AR: variants seen among roughly 807,000 people sequenced by gnomAD.
AR encodes androgen receptor, also known as dihydrotestosterone receptor.
A neutral mutation model predicts 53.9 loss-of-function variants in AR; 8 were observed. The observed-to-expected ratio is 0.15, with a 90% CI of 0.09 to 0.27. The LOEUF (loss-of-function observed/expected upper bound fraction) is 0.27. AR is among the 10% of genes least tolerant of loss of function. The pLI is 1.00. For missense variants in AR, 639 were observed against 742.5 expected (o/e 0.86, Z 1.62); for synonymous variants, 359 against 316.4 (o/e 1.13, Z -1.43).
Position 67,546,303 on chromosome X carries a change from G to T in AR, c.1157G>T (p.Arg386Leu), listed in dbSNP as rs555361360. 5.8e-6 allele frequency: 7 copies of T among 1,198,316 alleles called. No homozygotes were observed. In the East Asian group the frequency reaches 9.1e-5, roughly 16 times the overall value. ...CCGCCGCCTCCCCATCCCCACGCTC[G>T]CATCAAGCTGGAGAACCCGCTGGAC... ...PPPPPPHPHARIKLENPLDYG... is the reference protein window; with the variant it reads ...PPPPPPHPHALIKLENPLDYG... Residue 386 changes from arginine (R) to leucine (L), a missense_variant, in exon 1 of 8, where the codon CGC becomes CTC. Arg to Leu is a moderately radical substitution (Grantham distance 102). This residue lies in a region of AR where 423 missense variants were observed against 377.0 expected (regional missense o/e 1.12). Transcript: ENST00000374690.
chrX:67,709,802 G>A (rs2076085977), intron 3 of AR, among the ~76,000 whole-genome samples: 1 of 111,994 alleles, frequency 8.9e-6, no homozygotes, highest in African/African-American at 3.2e-5. Flanking sequence ...TCAACTATGA[G>A]CAACTATGTG....
In AR at chrX:67,728,900, A is replaced by G. The variant is rs1228828233; in HGVS notation, c.*5059A>G. 1.2e-5 allele frequency: 2 copies of G among 170,810 alleles called. No homozygotes were observed. The highest frequency in any genetic ancestry group is 6.0e-5 in the African/African-American group (2 of 33,576). 14.1% of individuals were successfully genotyped at this position (170,810 alleles called of 1,213,427 possible). On this transcript the variant is annotated 3_prime_UTR_variant, in exon 8 of 8. Coordinates refer to ENST00000374690, the MANE Select transcript of AR (RefSeq NM_000044.6). ...TGAATGTGGAAAGCATAAAAACTCA[A>G]TGGAACTGACTGAGATTTACCACAG... is the stretch of plus-strand genomic sequence containing the variant.
chrX:67,569,118 AT>A (rs1390965118), intron 1 of AR: 5 of 865,643 alleles, frequency 5.8e-6, no homozygotes, highest in Non-Finnish European at 6.3e-6. Context: ...CAGCCATGAC[AT>A]TATCTATTAG....
intron 1 of AR, among the ~76,000 whole-genome samples, chrX:67,560,541 G>A (rs1351242220): frequency 9.0e-6 from 1 of 111,481 alleles, no homozygotes; most frequent in Non-Finnish European, 1.9e-5. Context: ...TTGCTGTATA[G>A]TTGTGTAATG....
chrX:67,548,666 G>T (rs1929870748), intron 1 of AR, among the ~76,000 whole-genome samples: 2 of 111,402 alleles, frequency 1.8e-5, no homozygotes. Context: ...AAAAATGTGT[G>T]CCTTCAAAGA....
chrX:67,622,040 T>C (rs1924407530), intron 1 of AR, among the ~76,000 whole-genome samples: 1 of 111,880 alleles, frequency 8.9e-6, no homozygotes, highest in Non-Finnish European at 1.9e-5. Context: ...TTGTGGGGAT[T>C]AAGCACCTTC....
chrX:67,707,222 CT>C (rs1465203066), intron 3 of AR, among the ~76,000 whole-genome samples: 1 of 111,505 alleles, frequency 9.0e-6, no homozygotes, highest in East Asian at 2.8e-4. Context: ...GTTGATCTGT[CT>C]AATGTTGACA....
At chrX:67,633,201 A>T (rs1386099343) in intron 1 of AR, among the ~76,000 whole-genome samples, 3 of 112,225 alleles carry the variant, frequency 2.7e-5, no homozygotes, top group Middle Eastern at 4.6e-3. Context: ...ATTGTGTGTC[A>T]CAGGAGTTTA....
chrX:67,584,678 T>C (rs925197465), intron 1 of AR, among the ~76,000 whole-genome samples: 1 of 112,324 alleles, frequency 8.9e-6, no homozygotes, highest in African/African-American at 3.2e-5. Flanking sequence ...TGATAACCTT[T>C]TCTCAGGAAT....
chrX:67,716,613 G>A (rs1007952669), intron 4 of AR, among the ~76,000 whole-genome samples: 2 of 110,936 alleles, frequency 1.8e-5, no homozygotes, highest in African/African-American at 6.6e-5. Flanking sequence ...TAGGGCCAGG[G>A]TACCTATTGA....
chrX:67,628,125 T>G (rs1413007978), intron 1 of AR, among the ~76,000 whole-genome samples: 2 of 111,353 alleles, frequency 1.8e-5, no homozygotes, highest in Non-Finnish European at 3.8e-5. Context: ...TGTGGGCTCT[T>G]TTTTGGTTCC....
rs781169332 is a variant in AR at position 67,591,604 on chromosome X, C to A, written c.1616+44842C>A. Among the ~76,000 whole-genome samples, 36 of 111,395 alleles carry A rather than the reference C, an allele frequency of 3.2e-4. No individual in the cohort carries two copies. In the South Asian group the frequency reaches 5.0e-3, roughly 15 times the overall value. ...CCCAATAAGGCCCAACAGGGCTCTC[C>A]AAGGAGGCAAAATTCTGATGATACA... On this transcript the variant is annotated intron_variant, in intron 1 of 7. Coordinates refer to ENST00000374690, the MANE Select transcript of AR (RefSeq NM_000044.6).
intron 3 of AR, among the ~76,000 whole-genome samples, chrX:67,707,026 T>G (rs936185939): frequency 1.8e-5 from 2 of 112,118 alleles, no homozygotes; most frequent in Non-Finnish European, 3.8e-5. Flanking sequence ...TTTGTTATAA[T>G]TTCTGTTCTT....
intron 4 of AR, among the ~76,000 whole-genome samples, chrX:67,711,959 G>C (rs965861936): frequency 8.9e-6 from 1 of 112,049 alleles, no homozygotes; most frequent in African/African-American, 3.2e-5. Context: ...TCACAAAAAT[G>C]GTCAGCAAAT....
At chrX:67,670,019 AATT>A (rs1224473092) in intron 2 of AR, among the ~76,000 whole-genome samples, 3 of 99,648 alleles carry the variant, frequency 3.0e-5, no homozygotes, top group East Asian at 3.2e-4. Context: ...TAATAAGAAC[AATT>A]ATTATTTTTT....
intron 1 of AR, among the ~76,000 whole-genome samples, chrX:67,603,046 G>T (rs935646713): frequency 5.4e-5 from 6 of 111,374 alleles, no homozygotes; most frequent in African/African-American, 2.0e-4. Context: ...AGTATTAATA[G>T]TAATGATACT....
chrX:67,631,794 T>C (rs1767978143), intron 1 of AR, among the ~76,000 whole-genome samples: 2 of 112,451 alleles, frequency 1.8e-5, no homozygotes, highest in African/African-American at 6.5e-5. Flanking sequence ...TGTTTGATGA[T>C]GGTGATGTAC....
chrX:67,692,670 C>T (rs1433637875), intron 3 of AR, among the ~76,000 whole-genome samples: 4 of 111,733 alleles, frequency 3.6e-5, no homozygotes, highest in African/African-American at 6.5e-5. Flanking sequence ...ATCTTTTTTA[C>T]GGCATTGTTG....
intron 2 of AR, among the ~76,000 whole-genome samples, chrX:67,663,788 A>C (rs775782881): frequency 6.2e-5 from 7 of 112,060 alleles, no homozygotes; most frequent in African/African-American, 1.6e-4. Flanking sequence ...TGGTCTTTTC[A>C]CATAGTCCCA....
Sources: allele counts gnomAD v4.1 joint callset (sites outside exome capture counted in the v4.1 genomes callset), GRCh38; gene constraint gnomAD v4.1.1; regional missense constraint gnomAD v4.1.1; transcripts MANE v1.5; gene names NCBI Gene and HGNC (gene_info 2026-07-23, HGNC 2026-07-21).